The following GPRC5D variants were observed in gnomAD, a reference collection of about 807,000 sequenced individuals.
GPRC5D encodes the protein G protein-coupled receptor class C group 5 member D.
A neutral mutation model predicts 29.3 loss-of-function variants in GPRC5D; 20 were observed. That is an observed-to-expected ratio of 0.68 (90% CI 0.48 to 0.99). The LOEUF is 0.99. Among genes scored for constraint, GPRC5D ranks in the 50% least tolerant of loss-of-function variants. GPRC5D has a pLI of 0.00. For synonymous variants in GPRC5D, 178 were observed against 171.3 expected (o/e 1.04, Z -0.30); for missense variants, 384 against 423.6 (o/e 0.91, Z 0.82).
chr12:12,941,917 T>C (rs1328439491), intron 2 of GPRC5D, among the ~76,000 whole-genome samples: 1 of 152,164 alleles, frequency 6.6e-6, no homozygotes, highest in African/African-American at 2.4e-5. Context: ...TCAGACATAT[T>C]TACAATCCTG....
upstream of GPRC5D, chr12:12,952,040 C>T (rs1238832008): frequency 6.6e-6 from 1 of 152,090 alleles, no homozygotes; most frequent in African/African-American, 2.4e-5. Context: ...TTCAGTTATC[C>T]CCAGACCAGA....
chr12:12,949,985 T>C, exon 1 of GPRC5D: 1 of 1,613,926 alleles, frequency 6.2e-7, no homozygotes, highest in Non-Finnish European at 8.5e-7. Flanking sequence ...CTGCAACCAA[T>C]AGCAATGCAC....
chr12:12,951,295 G>T (rs1344527454), upstream of GPRC5D, among the ~76,000 whole-genome samples: 1 of 152,156 alleles, frequency 6.6e-6, no homozygotes, highest in Admixed American at 6.5e-5. Flanking sequence ...TACCAAAATT[G>T]TTCCTAGGAC....
At chr12:12,946,309 T>TTTTC (rs745322553) in intron 1 of GPRC5D, among the ~76,000 whole-genome samples, 112 of 37,648 alleles carry the variant, frequency 3.0e-3, no homozygotes, top group African/African-American at 8.9e-3. Flanking sequence ...CCTTCCTTCC[T>TTTTC]TTTCTTTCTT....
intron 1 of GPRC5D, chr12:12,944,522 T>C (rs1393555839): frequency 9.0e-6 from 1 of 110,760 alleles, no homozygotes; most frequent in Non-Finnish European, 2.1e-5. Context: ...AAAAGGGCTA[T>C]GTTCAGCAAA....
chr12:12,950,150 CA>C lies in GPRC5D; in HGVS notation c.234del (p.Phe78LeufsTer31). ...TGTTGATTGAGCTCGATGATGAAGG[CA>C]AAAGCGAGTCCGAAGAGCCCCAGGA... On this transcript the variant is annotated frameshift_variant, in exon 1 of 3. Coordinates refer to ENST00000228887, the Ensembl canonical transcript of GPRC5D. LOFTEE classifies it high-confidence loss of function. 1 of 1,614,060 alleles carries C rather than the reference CA, an allele frequency of 6.2e-7. No individual in the cohort carries two copies. Among genetic ancestry groups the C allele is most frequent in the Non-Finnish European group, 8.5e-7 (1 of 1,179,980 alleles).
rs554940696 is a variant in GPRC5D at position 12,946,474 on chromosome 12, C to T, written c.895+3016G>A. Among the ~76,000 whole-genome samples, 189 of 149,090 alleles carry T rather than the reference C, an allele frequency of 1.3e-3. 2 individuals are homozygous for T. The highest frequency in any genetic ancestry group is 4.2e-3 in the African/African-American group (168 of 40,458). On this transcript the variant is annotated intron_variant, in intron 1 of 2. Transcript: ENST00000228887. ...TCTCTCTTTCTCTCTTTCTTTCTTT[C>T]GACGCAGCCTTGCTCTGTTGCCCAG...
In GPRC5D at chr12:12,948,013, C is replaced by T. The variant is rs370558244; in HGVS notation, c.895+1477G>A. Among the ~76,000 whole-genome samples the T allele has an allele frequency of 3.3e-5, 5 of 152,262 alleles. No individual in the cohort carries two copies. In the East Asian group the frequency reaches 5.8e-4, roughly 18 times the overall value. On this transcript the variant is annotated intron_variant, in intron 1 of 2. Transcript: ENST00000228887. ...GACTCCTGGCCAAACCAGGGATCAT[C>T]GTATTTTAGCAGGCCTTTGCTCTTC...
chr12:12,950,579 G>T, upstream of GPRC5D: 1 of 578,176 alleles, frequency 1.7e-6, no homozygotes, highest in Non-Finnish European at 3.1e-6. Flanking sequence ...GGCTGAGGCG[G>T]GCCGATCACT....
intron 1 of GPRC5D, among the ~76,000 whole-genome samples, chr12:12,942,705 A>T (rs1863184865): frequency 6.6e-6 from 1 of 152,224 alleles, no homozygotes; most frequent in Non-Finnish European, 1.5e-5. Context: ...ACTGCATTCC[A>T]GCCTGGGTGA....
At position 12,942,913 on chromosome 12, in the gene GPRC5D, G is replaced by C. The variant is rs563797728; in HGVS notation, c.896-585C>G. On this transcript the variant is annotated intron_variant, in intron 1 of 2. Transcript: ENST00000228887. ...CAGTTCTTGCTCTCTCAGTATTACC[G>C]TGTGGCCTTGGGCATCTCACTCTTT... 5.3e-5 allele frequency among the ~76,000 whole-genome samples: 8 copies of C among 152,250 alleles called. No individual in the cohort carries two copies. The East Asian group carries it at 1.2e-3, about 22-fold the overall frequency.
chr12:12,940,915 A>G, intron 2 of GPRC5D, 66 bp from the exon 4 acceptor site: 1 of 1,136,626 alleles, frequency 8.8e-7, no homozygotes, highest in Non-Finnish European at 1.3e-6. Flanking sequence ...CTCCAAAGTT[A>G]TGTTTTTGTT....
exon 1 of GPRC5D, chr12:12,949,659 G>C (rs775483843): frequency 4.3e-6 from 7 of 1,614,180 alleles, no homozygotes; most frequent in Middle Eastern, 3.3e-4. Flanking sequence ...GAGCAATGCA[G>C]ACGACCGGGT....
At chr12:12,946,709 C>A (rs972764955) in intron 1 of GPRC5D, among the ~76,000 whole-genome samples, 2 of 152,134 alleles carry the variant, frequency 1.3e-5, no homozygotes, top group African/African-American at 4.8e-5. Flanking sequence ...CCTGCCTTGG[C>A]CTCTCAAAGT....
chr12:12,950,143 A>G, exon 1 of GPRC5D: 1 of 1,614,168 alleles, frequency 6.2e-7, no homozygotes, highest in Non-Finnish European at 8.5e-7. Flanking sequence ...GAGCTCGATG[A>G]TGAAGGCAAA....
At position 12,940,785 on chromosome 12, in the gene GPRC5D, C is replaced by T. The variant is rs780398792; in HGVS notation, c.1028G>A (p.Gly343Glu). The T allele has an allele frequency of 1.5e-5, 24 of 1,597,074 alleles. 1 individual carries two copies. Among genetic ancestry groups the T allele is most frequent in the South Asian group, 1.3e-4 (12 of 90,760 alleles). ...GTGTTTCCTGTAGATTTATACTCCT[C>T]CTGCATCTTGCTGGGGGCTTAGTTT... The change falls in exon 3 of 3, where the codon GGA (glycine) becomes GAA (glutamate). Residue 343 changes from glycine to glutamate, a missense_variant. Physicochemically the swap from Gly to Glu is moderately conservative, Grantham distance 98. Transcript: ENST00000228887.
chr12:12,946,421 TC>T (rs1424095924), intron 1 of GPRC5D, among the ~76,000 whole-genome samples: 7 of 41,420 alleles, frequency 1.7e-4, no homozygotes, highest in Admixed American at 4.3e-4. Flanking sequence ...TCTTTCTCTC[TC>T]TCTCTTTCTC....
Position 12,944,829 on chromosome 12 carries a change from CCT to C in GPRC5D, c.896-2503_896-2502del, listed in dbSNP as rs1565477176. Among the ~76,000 whole-genome samples the C allele has an allele frequency of 9.3e-4, 9 of 9,658 alleles. 1 individual carries two copies. Among genetic ancestry groups the C allele is most frequent in the Admixed American group, 4.2e-3 (2 of 474 alleles). The allele number at this position is 9,658 out of a possible 152,430, so 6.3% of individuals were successfully genotyped here. A position where few individuals can be genotyped will look rare whatever the true frequency, so the allele number is the denominator to read the frequency against. ...TCCTTCCTTCCTTCCTTCCTTCCTTCCTTCCTTCCTTCCTTCCTTCCTTCTTT... is the reference window on the plus strand; with the variant it reads ...TCCTTCCTTCCTTCCTTCCTTCCTTCTCCTTCCTTCCTTCCTTCCTTCTTT... On this transcript the variant is annotated intron_variant, in intron 1 of 2. Coordinates refer to ENST00000228887, the Ensembl canonical transcript of GPRC5D.
intron 1 of GPRC5D, 91 bp downstream of exon 2, chr12:12,949,399 A>T: frequency 1.8e-6 from 2 of 1,106,448 alleles, no homozygotes; most frequent in Non-Finnish European, 2.6e-6. Flanking sequence ...ATTTTCTTTT[A>T]GTTTCCTCTT....
Sources: allele counts gnomAD v4.1 joint callset (sites outside exome capture counted in the v4.1 genomes callset), GRCh38; gene constraint gnomAD v4.1.1; transcripts MANE v1.5; gene names NCBI Gene and HGNC (gene_info 2026-07-23, HGNC 2026-07-21).